The following FRAS1 variants were observed in gnomAD, a reference collection of about 807,000 sequenced individuals.
FRAS1 encodes the protein Fraser extracellular matrix complex subunit 1.
A neutral mutation model predicts 435.2 loss-of-function variants in FRAS1; 290 were observed. That is an observed-to-expected ratio of 0.67 (90% CI 0.61 to 0.73). The LOEUF (loss-of-function observed/expected upper bound fraction) is 0.73. Ranked by LOEUF, FRAS1 falls within the 30% of genes least tolerant of loss-of-function variation. The pLI, the probability that FRAS1 is intolerant of heterozygous loss-of-function variation, is 0.00. For synonymous variants in FRAS1, 1,800 were observed against 1,851.0 expected, an observed-to-expected ratio of 0.97 and a Z score of 0.71; for missense variants, 4,860 against 5,001.5, an observed-to-expected ratio of 0.97 and a Z score of 0.85.
chr4:78,526,456 GT>G, intron 69 of FRAS1, 84 bp from the exon 70 acceptor site: 1 of 815,594 alleles, frequency 1.2e-6, no homozygotes, highest in Non-Finnish European at 2.0e-6. Context: ...CCTGAAAACT[GT>G]TTAGTGAAGG....
intron 1 of FRAS1, among the ~76,000 whole-genome samples, chr4:78,063,270 G>T (rs1217182046): frequency 6.6e-6 from 1 of 152,164 alleles, no homozygotes; most frequent in Non-Finnish European, 1.5e-5. Context: ...CTGCTGGTGG[G>T]TGTGTGAGAG....
At chr4:78,482,692 G>T (rs1263757472) in intron 58 of FRAS1, among the ~76,000 whole-genome samples, 157 bp downstream of exon 58, 1 of 152,226 alleles carries the variant, frequency 6.6e-6, no homozygotes, top group African/African-American at 2.4e-5. Context: ...ACATAGCAGA[G>T]TATGTAGATG....
chr4:78,227,509 A>G (rs1724328101), intron 2 of FRAS1, among the ~76,000 whole-genome samples: 1 of 152,246 alleles, frequency 6.6e-6, no homozygotes. Flanking sequence ...AGGTTTAGAA[A>G]CACACTTAGT....
At chr4:78,386,655 G>A (rs1268256914) in intron 28 of FRAS1, among the ~76,000 whole-genome samples, 3 of 151,988 alleles carry the variant, frequency 2.0e-5, no homozygotes, top group South Asian at 2.1e-4. Flanking sequence ...TTGGCTTCTG[G>A]CCTCAATTTT....
chr4:78,126,801 A>G (rs193157135), intron 2 of FRAS1, among the ~76,000 whole-genome samples: 1 of 152,342 alleles, frequency 6.6e-6, no homozygotes, highest in Non-Finnish European at 1.5e-5. Context: ...TTATTGATAT[A>G]GAGTACCATT....
intron 2 of FRAS1, among the ~76,000 whole-genome samples, chr4:78,232,085 T>C (rs561689503): frequency 6.6e-6 from 1 of 152,356 alleles, no homozygotes; most frequent in Admixed American, 6.5e-5. Flanking sequence ...TTGGATTTTA[T>C]GGCTTTATCC....
At chr4:78,277,589 C>T (rs915734777) in intron 9 of FRAS1, among the ~76,000 whole-genome samples, 34 of 151,990 alleles carry the variant, frequency 2.2e-4, no homozygotes, top group African/African-American at 7.5e-4. Flanking sequence ...AGTGTATACA[C>T]ATGAAAAACA....
chr4:78,448,070 CA>C lies in FRAS1; in HGVS notation c.6031del (p.Thr2011LeufsTer12). On this transcript the variant is annotated frameshift_variant, in exon 44 of 74. Transcript: ENST00000512123. LOFTEE classifies it high-confidence loss of function. Reference protein sequence around the residue: ...KPDHGHVLWRQTASEPLENGR... With the variant: ...KPDHGHVLWRXTASEPLENGR... Reference sequence around the variant, plus strand: ...TCCCTCAGGTCATGTACTCTGGAGGCAAACTGCTTCTGAGCCTCTGGAGAAT... The same window carrying C: ...TCCCTCAGGTCATGTACTCTGGAGGCAACTGCTTCTGAGCCTCTGGAGAAT... 1.2e-6 allele frequency: 2 copies of C among 1,610,352 alleles called. No individual in the cohort carries two copies. Among genetic ancestry groups the C allele is most frequent in the Non-Finnish European group, 8.5e-7 (1 of 1,178,072 alleles).
intron 2 of FRAS1, among the ~76,000 whole-genome samples, chr4:78,096,416 C>A (rs1430911542): frequency 6.6e-6 from 1 of 152,196 alleles, no homozygotes; most frequent in Non-Finnish European, 1.5e-5. Context: ...CTAGAAGGTA[C>A]CCCAGTAGGG....
intron 30 of FRAS1, among the ~76,000 whole-genome samples, chr4:78,404,618 G>T (rs1733031081): frequency 6.6e-6 from 1 of 152,108 alleles, no homozygotes; most frequent in African/African-American, 2.4e-5. Flanking sequence ...ATCCCAATAG[G>T]TGATTCTCGT....
chr4:78,245,771 T>C (rs1725213131), intron 4 of FRAS1, among the ~76,000 whole-genome samples: 1 of 152,172 alleles, frequency 6.6e-6, no homozygotes, highest in Admixed American at 6.5e-5. Flanking sequence ...AGAACCCTGG[T>C]CTTCTGACTC....
intron 2 of FRAS1, among the ~76,000 whole-genome samples, chr4:78,097,393 C>A (rs2059811496): frequency 6.6e-6 from 1 of 152,204 alleles, no homozygotes; most frequent in African/African-American, 2.4e-5. Context: ...TTTCAAGTAT[C>A]TTTTCAGCCC....
chr4:78,427,228 A>G (rs919785938), intron 35 of FRAS1, among the ~76,000 whole-genome samples: 1 of 152,180 alleles, frequency 6.6e-6, no homozygotes, highest in Non-Finnish European at 1.5e-5. Context: ...GAGACTTAAA[A>G]TCACAAGCTC....
At chr4:78,466,883 G>A (rs1345736325) in intron 50 of FRAS1, among the ~76,000 whole-genome samples, 1 of 152,072 alleles carries the variant, frequency 6.6e-6, no homozygotes, top group African/African-American at 2.4e-5. Flanking sequence ...AATAGCAGTG[G>A]ATAAGAGTGT....
chr4:78,134,161 C>T (rs948619600), intron 2 of FRAS1, among the ~76,000 whole-genome samples: 8 of 151,642 alleles, frequency 5.3e-5, no homozygotes, highest in African/African-American at 1.7e-4. Flanking sequence ...GGTTTCGAGA[C>T]GGGCTATTAA....
chr4:78,277,934 C>A (rs900048876), intron 9 of FRAS1, among the ~76,000 whole-genome samples: 1 of 152,012 alleles, frequency 6.6e-6, no homozygotes, highest in Non-Finnish European at 1.5e-5. Context: ...GCCTCAGCCT[C>A]CTGAGTAGCT....
At chr4:78,186,336 A>G (rs184054314) in intron 2 of FRAS1, among the ~76,000 whole-genome samples, 4 of 152,234 alleles carry the variant, frequency 2.6e-5, no homozygotes, top group Admixed American at 2.6e-4. Context: ...TATCAGGGAT[A>G]TCTATTATAA....
intron 2 of FRAS1, among the ~76,000 whole-genome samples, chr4:78,237,296 T>G (rs1284333694): frequency 6.6e-6 from 1 of 152,186 alleles, no homozygotes; most frequent in Non-Finnish European, 1.5e-5. Flanking sequence ...TCCCCTTGTC[T>G]TTGGCTACGT....
chr4:78,242,306 T>G (rs1725035323), intron 3 of FRAS1, among the ~76,000 whole-genome samples: 1 of 152,228 alleles, frequency 6.6e-6, no homozygotes, highest in Admixed American at 6.5e-5. Context: ...AGTGTGATTT[T>G]TACTCTACCA....
Sources: allele counts gnomAD v4.1 joint callset (sites outside exome capture counted in the v4.1 genomes callset), GRCh38; gene constraint gnomAD v4.1.1; transcripts MANE v1.5; gene names NCBI Gene and HGNC (gene_info 2026-07-23, HGNC 2026-07-21).